RNF228: variants seen among roughly 807,000 people sequenced by gnomAD.
RNF228 encodes ring finger protein 228.
the RNF228 span, chr2:222,318,324 T>G: frequency 1.3e-5 from 2 of 152,260 alleles, no homozygotes; most frequent in Non-Finnish European, 2.9e-5. Context: ...CCTCGGCCAC[T>G]CCGAGTCGGC....
chr2:222,314,889 C>T, the RNF228 span, among the ~76,000 whole-genome samples: 1 of 152,188 alleles, frequency 6.6e-6, no homozygotes, highest in Non-Finnish European at 1.5e-5. Flanking sequence ...GTGCTGCTAG[C>T]CTTGGAGGCG....
the RNF228 span, chr2:222,317,361 C>T: frequency 6.6e-6 from 1 of 152,158 alleles, no homozygotes; most frequent in South Asian, 2.1e-4. Context: ...TACTTCACTC[C>T]TATGATAGAT....
At chr2:222,317,334 A>T in the RNF228 span, 1 of 152,234 alleles carries the variant, frequency 6.6e-6, no homozygotes, top group African/African-American at 2.4e-5. Context: ...CAAACCACTT[A>T]TCAATGGCCA....
the RNF228 span, chr2:222,319,046 C>T: frequency 6.3e-6 from 1 of 159,790 alleles, no homozygotes; most frequent in Non-Finnish European, 1.4e-5. The surrounding 1 kb of genome is among the most constrained non-coding windows in gnomAD (Gnocchi z 7.6). Flanking sequence ...CGCTCCTCCG[C>T]GCGCCGCCCG....
At chr2:222,315,525 A>G in the RNF228 span, among the ~76,000 whole-genome samples, 1 of 152,194 alleles carries the variant, frequency 6.6e-6, no homozygotes, top group Non-Finnish European at 1.5e-5. Context: ...AGCAAGGTCC[A>G]TATAGGGCTT....
the RNF228 span, among the ~76,000 whole-genome samples, chr2:222,315,899 C>G: frequency 6.6e-6 from 1 of 152,180 alleles, no homozygotes; most frequent in East Asian, 1.9e-4. Context: ...ACCTGTAGCC[C>G]TAGAACCTAG....
chr2:222,319,632 G>C, the RNF228 span, among the ~76,000 whole-genome samples: 49 of 146,666 alleles, frequency 3.3e-4, no homozygotes, highest in African/African-American at 1.0e-3. The surrounding 1 kb of genome is among the most constrained non-coding windows in gnomAD (Gnocchi z 7.6). Flanking sequence ...GAAGGCCTCG[G>C]CTAGCTTGGT....
the RNF228 span, chr2:222,318,953 A>G: frequency 6.5e-6 from 1 of 152,840 alleles, no homozygotes; most frequent in Non-Finnish European, 1.5e-5. Context: ...GCTCGAGCGC[A>G]CCGAGCCAGA....
chr2:222,319,853 C>T, the RNF228 span, among the ~76,000 whole-genome samples: 1 of 151,618 alleles, frequency 6.6e-6, no homozygotes. The surrounding 1 kb of genome is among the most constrained non-coding windows in gnomAD (Gnocchi z 7.6). Context: ...GCAGCTTGGG[C>T]GCGCGCCGGT....
the RNF228 span, among the ~76,000 whole-genome samples, chr2:222,315,594 C>T: frequency 1.3e-5 from 2 of 152,136 alleles, no homozygotes; most frequent in Non-Finnish European, 2.9e-5. Context: ...TTCACACCAA[C>T]TCCATGAGGT....
chr2:222,315,849 C>T, the RNF228 span, among the ~76,000 whole-genome samples: 620 of 152,286 alleles, frequency 4.1e-3, 4 homozygotes, highest in African/African-American at 0.014. Context: ...GTTTCTTTCA[C>T]CTGAAATGTA....
At chr2:222,314,404 C>T in the RNF228 span, among the ~76,000 whole-genome samples, 1 of 152,232 alleles carries the variant, frequency 6.6e-6, no homozygotes, top group Admixed American at 6.5e-5. Flanking sequence ...TAAGATCTGG[C>T]TGCAGTCATT....
At chr2:222,319,479 G>GGCGGCT in the RNF228 span, 1 of 149,672 alleles carries the variant, frequency 6.7e-6, no homozygotes, top group Admixed American at 6.8e-5. This position sits in a 1 kb window ranked among gnomAD's most constrained non-coding sequence, Gnocchi z 7.6. Flanking sequence ...CGGCGGCGGC[G>GGCGGCT]GCGGCTGCGG....
chr2:222,316,469 A>C, the RNF228 span, among the ~76,000 whole-genome samples: 1 of 152,254 alleles, frequency 6.6e-6, no homozygotes, highest in Non-Finnish European at 1.5e-5. Flanking sequence ...TTCTGTTGCC[A>C]TCGAGGTGAT....
chr2:222,319,332 A>C, the RNF228 span: 1 of 352,742 alleles, frequency 2.8e-6, no homozygotes, highest in Non-Finnish European at 5.1e-6. The surrounding 1 kb of genome is among the most constrained non-coding windows in gnomAD (Gnocchi z 7.6). Flanking sequence ...CAGCACCACC[A>C]TGGAGAGGAA....
the RNF228 span, among the ~76,000 whole-genome samples, chr2:222,319,839 G>T: frequency 6.6e-6 from 1 of 151,354 alleles, no homozygotes; most frequent in African/African-American, 2.4e-5. The surrounding 1 kb of genome is among the most constrained non-coding windows in gnomAD (Gnocchi z 7.6). Flanking sequence ...GTGCAAGCAC[G>T]CCAGCAGCTT....
chr2:222,319,757 A>G, the RNF228 span, among the ~76,000 whole-genome samples: 1 of 140,032 alleles, frequency 7.1e-6, no homozygotes, highest in Non-Finnish European at 1.6e-5. The surrounding 1 kb of genome is among the most constrained non-coding windows in gnomAD (Gnocchi z 7.6). Context: ...GCGGGCGCTC[A>G]GGCGCGGCGG....
chr2:222,314,952 T>G, the RNF228 span, among the ~76,000 whole-genome samples: 1 of 152,358 alleles, frequency 6.6e-6, no homozygotes, highest in South Asian at 2.1e-4. Context: ...AATGCAGAAC[T>G]GATTAAAAAT....
At chr2:222,318,433 C>T in the RNF228 span, 9 of 152,400 alleles carry the variant, frequency 5.9e-5, no homozygotes, top group African/African-American at 2.2e-4. Flanking sequence ...GTGTCCGTCA[C>T]TCTCAGCGCT....
Sources: gnomAD v4.1 joint callset for allele counts (sites outside exome capture counted in the v4.1 genomes callset) on GRCh38, gnomAD v4.1.1 for gene constraint, Gnocchi (gnomAD v3.1) non-coding constraint, MANE v1.5 for transcripts, NCBI Gene and HGNC (gene_info 2026-07-23, HGNC 2026-07-21) for gene names.